Variants in ADGRV1 observed in about 807,000 individuals in gnomAD.
The protein encoded by ADGRV1 is G-protein coupled receptor 98.
Under a neutral mutation model 596.2 loss-of-function variants are expected in ADGRV1, and 359 were observed. The observed-to-expected ratio is 0.60, with a 90% confidence interval of 0.55 to 0.66. The LOEUF is 0.66. Among genes scored for constraint, ADGRV1 ranks in the 30% least tolerant of loss-of-function variants. ADGRV1 has a pLI of 0.00. For missense variants in ADGRV1, 7,274 were observed against 7,575.6 expected (o/e 0.96, Z 1.48); for synonymous variants, 2,681 against 2,679.2 (o/e 1.00, Z -0.02).
chr5:90,939,114 G>A (rs1048666562), intron 83 of ADGRV1, among the ~76,000 whole-genome samples: 1 of 152,152 alleles, frequency 6.6e-6, no homozygotes, highest in African/African-American at 2.4e-5. Flanking sequence ...TAGAAAACAT[G>A]TTCACTTCTT....
chr5:90,763,973 G>T (rs952630640), intron 59 of ADGRV1, among the ~76,000 whole-genome samples: 1 of 152,142 alleles, frequency 6.6e-6, no homozygotes, highest in Non-Finnish European at 1.5e-5. Context: ...TTGGGAATAG[G>T]TTGACTGATG....
chr5:90,834,860 A>ATTTTCTTTCTTTCTCTTTCTTTCTT (rs1212372588), intron 77 of ADGRV1, among the ~76,000 whole-genome samples: 6 of 144,802 alleles, frequency 4.1e-5, no homozygotes, highest in Non-Finnish European at 1.5e-5. Flanking sequence ...TCCTCTGCCT[A>ATTTTCTTTCTTTCTCTTTCTTTCTT]TTTTCTTTCT....
intron 83 of ADGRV1, among the ~76,000 whole-genome samples, chr5:90,909,276 T>C (rs1772617071): frequency 6.6e-6 from 1 of 152,216 alleles, no homozygotes; most frequent in Non-Finnish European, 1.5e-5. Context: ...GCTACTAAAG[T>C]GGATCTCCTG....
At chr5:90,645,260 T>G (rs777485574) in intron 15 of ADGRV1, among the ~76,000 whole-genome samples, 2 of 152,200 alleles carry the variant, frequency 1.3e-5, no homozygotes, top group East Asian at 3.8e-4. Context: ...TTACAGATAG[T>G]AAAGAGAAAG....
Position 90,855,873 on chromosome 5 carries a change from C to T in ADGRV1, c.17727C>T (p.Phe5909=). The T allele has an allele frequency of 6.2e-7, 1 of 1,612,838 alleles. No individual in the cohort carries two copies. Among genetic ancestry groups the T allele is most frequent in the Non-Finnish European group, 8.5e-7 (1 of 1,178,982 alleles). ...ACTTGTCTTCATACAATGAAGCCTTCTTCACTTCTGGATTTATATGTATCT... is the reference window on the plus strand; with the variant it reads ...ACTTGTCTTCATACAATGAAGCCTTTTTCACTTCTGGATTTATATGTATCT... ...TDNLSSYNEA[F]FTSGFICISG... Residue 5909 remains phenylalanine (F), a synonymous_variant, in exon 82 of 90, where the codon TTC becomes TTT. Transcript: ENST00000405460.
chr5:91,119,134 A>G (rs1267245288), intron 87 of ADGRV1, among the ~76,000 whole-genome samples: 2 of 152,034 alleles, frequency 1.3e-5, no homozygotes, highest in African/African-American at 4.8e-5. Context: ...TTTTAAATCC[A>G]CCTAATAGTA....
At chr5:90,624,419 G>T (rs1764478367) in intron 5 of ADGRV1, among the ~76,000 whole-genome samples, 1 of 152,070 alleles carries the variant, frequency 6.6e-6, no homozygotes, top group South Asian at 2.1e-4. Flanking sequence ...ATTTTATCAG[G>T]TTTGTAGCCT....
chr5:90,714,096 G>T (rs1191287282), intron 42 of ADGRV1, among the ~76,000 whole-genome samples: 1 of 152,074 alleles, frequency 6.6e-6, no homozygotes, highest in Admixed American at 6.5e-5. Context: ...TGCCTTCTTT[G>T]TTAGTTACAT....
chr5:90,789,399 T>A (rs1411470294), intron 68 of ADGRV1, among the ~76,000 whole-genome samples: 1 of 152,160 alleles, frequency 6.6e-6, no homozygotes, highest in Non-Finnish European at 1.5e-5. Flanking sequence ...TTAAATGTAG[T>A]AAATATGAGA....
intron 18 of ADGRV1, 37 bp downstream of exon 18, chr5:90,651,767 T>C (rs1561459987): frequency 7.4e-7 from 1 of 1,357,422 alleles, no homozygotes; most frequent in Non-Finnish European, 1.0e-6. Flanking sequence ...TAAAATTGGG[T>C]GAAATAAAAC....
intron 83 of ADGRV1, among the ~76,000 whole-genome samples, chr5:90,901,767 T>C (rs1008510884): frequency 1.3e-5 from 2 of 152,180 alleles, no homozygotes; most frequent in African/African-American, 4.8e-5. Flanking sequence ...GGTGTTCAAC[T>C]GACGTCAACT....
In ADGRV1 at chr5:90,776,528, T is replaced by A. The variant is rs1455010773; in HGVS notation, c.12479T>A (p.Ile4160Asn). The A allele has an allele frequency of 6.2e-7, 1 of 1,613,416 alleles. No individual in the cohort carries two copies. Among genetic ancestry groups the A allele is most frequent in the South Asian group, 1.1e-5 (1 of 91,076 alleles). ...GGGATAGCTCCGTCATCTAGGCACA[T>A]CCTCATTGGGGAACCCTCAGCAAAA... The part of the protein sequence containing the change: ...EVGIAPSSRH[I>N]LIGEPSAKYN... The change falls in exon 61 of 90, where the codon ATC (isoleucine) becomes AAC (asparagine). Residue 4160 changes from isoleucine (I) to asparagine (N), a missense_variant. Around this residue, in one of 5 missense-constraint regions of ADGRV1, gnomAD observed 3,643 missense variants for 3,809.2 expected, o/e 0.96. Coordinates refer to ENST00000405460, the MANE Select transcript of ADGRV1 (RefSeq NM_032119.4).
At chr5:90,657,413 C>T (rs757933318) in intron 20 of ADGRV1, among the ~76,000 whole-genome samples, 1 of 151,862 alleles carries the variant, frequency 6.6e-6, no homozygotes, top group Non-Finnish European at 1.5e-5. Flanking sequence ...GCACTCTAGC[C>T]TGGGTAAAAG....
intron 83 of ADGRV1, among the ~76,000 whole-genome samples, chr5:90,935,533 C>T (rs1011548280): frequency 6.6e-6 from 1 of 152,032 alleles, no homozygotes; most frequent in African/African-American, 2.4e-5. Flanking sequence ...ATTGATTATG[C>T]TTTTAAAAAT....
At chr5:90,722,716 C>CAAAAAAAAAAAAAAAAAAAAAAAAAAA (rs55761821) in intron 45 of ADGRV1, among the ~76,000 whole-genome samples, 1 of 32,874 alleles carries the variant, frequency 3.0e-5, no homozygotes, top group African/African-American at 1.2e-4. Context: ...AACTCCGTCT[C>CAAAAAAAAAAAAAAAAAAAAAAAAAAA]AAAAAAAAAA....
At chr5:90,821,940 C>G (rs1395165477) in intron 75 of ADGRV1, 2 of 154,958 alleles carry the variant, frequency 1.3e-5, no homozygotes, top group East Asian at 3.8e-4. Context: ...GTGGTGGGCT[C>G]CACCCAGTTT....
At chr5:90,782,940 T>A (rs1759013144) in intron 65 of ADGRV1, among the ~76,000 whole-genome samples, 184 bp from the exon 66 acceptor site, 1 of 152,204 alleles carries the variant, frequency 6.6e-6, no homozygotes, top group Admixed American at 6.5e-5. Context: ...TCTGATAAAC[T>A]ATGTTCCTCC....
chr5:91,079,875 CG>C (rs1420961314), intron 86 of ADGRV1, among the ~76,000 whole-genome samples: 3 of 152,038 alleles, frequency 2.0e-5, no homozygotes, highest in Admixed American at 1.3e-4. Flanking sequence ...GGATATGGGA[CG>C]GGGGTGAGAG....
chr5:90,899,971 T>G (rs1017327155), intron 83 of ADGRV1, among the ~76,000 whole-genome samples: 10 of 152,176 alleles, frequency 6.6e-5, no homozygotes, highest in African/African-American at 2.4e-4. Context: ...GAGAAATAAT[T>G]CTTATTATAG....
Sources: gnomAD v4.1 joint callset for allele counts (sites outside exome capture counted in the v4.1 genomes callset) on GRCh38, gnomAD v4.1.1 for gene constraint, gnomAD v4.1.1 regional missense constraint, MANE v1.5 for transcripts, NCBI Gene and HGNC (gene_info 2026-07-23, HGNC 2026-07-21) for gene names.